The following LRRK2 variants were observed in gnomAD, a reference collection of about 807,000 sequenced individuals.
LRRK2 encodes the protein leucine-rich repeat serine/threonine-protein kinase 2.
A neutral mutation model predicts 302.6 loss-of-function variants in LRRK2; 203 were observed. The observed-to-expected ratio is 0.67, with a 90% CI of 0.60 to 0.75. LRRK2 has a LOEUF of 0.75. Among genes scored for constraint, LRRK2 ranks in the 30% least tolerant of loss-of-function variants. The pLI, the probability that LRRK2 is intolerant of heterozygous loss-of-function variation, is 0.00. For synonymous variants in LRRK2, 1,066 were observed against 1,031.9 expected, an observed-to-expected ratio of 1.03 and a Z score of -0.63; for missense variants, 2,830 against 2,951.0, an observed-to-expected ratio of 0.96 and a Z score of 0.95.
intron 7 of LRRK2, among the ~76,000 whole-genome samples, chr12:40,247,682 T>A (rs1410449413): frequency 2.8e-4 from 15 of 53,096 alleles, no homozygotes; most frequent in Admixed American, 5.0e-4. Flanking sequence ...ATATATACAT[T>A]TATATATAAA....
chr12:40,239,147 T>G (rs1178847487), intron 5 of LRRK2, among the ~76,000 whole-genome samples: 1 of 152,124 alleles, frequency 6.6e-6, no homozygotes, highest in African/African-American at 2.4e-5. Context: ...GAGAAACATC[T>G]TCCCATGGGT....
intron 19 of LRRK2, chr12:40,286,529 C>T (rs1254445186): frequency 6.6e-6 from 1 of 152,032 alleles, no homozygotes; most frequent in East Asian, 1.9e-4. Context: ...TGATTATCTA[C>T]ACTTCACAGG....
intron 5 of LRRK2, among the ~76,000 whole-genome samples, chr12:40,238,404 A>G (rs780288226): frequency 6.6e-6 from 1 of 152,178 alleles, no homozygotes; most frequent in Non-Finnish European, 1.5e-5. Context: ...AGAAAAAATA[A>G]AACTGTGAAG....
intron 18 of LRRK2, among the ~76,000 whole-genome samples, chr12:40,282,448 G>A (rs1943750717): frequency 6.6e-6 from 1 of 152,024 alleles, no homozygotes; most frequent in African/African-American, 2.4e-5. Context: ...GGTGTGTTTG[G>A]CCTGAGAGGT....
intron 18 of LRRK2, among the ~76,000 whole-genome samples, chr12:40,281,879 G>A (rs1395225366): frequency 6.6e-6 from 1 of 152,186 alleles, no homozygotes; most frequent in African/African-American, 2.4e-5. Context: ...GTCTGTATGT[G>A]TAGGGCATTG....
At chr12:40,356,058 C>A in intron 45 of LRRK2, 57 bp from the exon 46 acceptor site, 1 of 1,142,318 alleles carries the variant, frequency 8.8e-7, no homozygotes, top group Non-Finnish European at 1.3e-6. Flanking sequence ...AACATTAAGG[C>A]CATTTTAGTC....
chr12:40,302,958 T>G (rs1944684506), intron 26 of LRRK2, 76 bp downstream of exon 26: 1 of 1,020,810 alleles, frequency 9.8e-7, no homozygotes, highest in Non-Finnish European at 1.5e-6. Context: ...TTCGATTTAG[T>G]CATATAGAGG....
chr12:40,271,429 T>C (rs1169119689), intron 14 of LRRK2, among the ~76,000 whole-genome samples: 1 of 152,134 alleles, frequency 6.6e-6, no homozygotes, highest in African/African-American at 2.4e-5. Flanking sequence ...AGCTCAGTCA[T>C]TGGAGAAACC....
rs71078229 is a variant in LRRK2 at position 40,229,955 on chromosome 12, C to CTTTTTTTTTTTTTTT, written c.238-2305_238-2291dup. On this transcript the variant is annotated intron_variant, in intron 2 of 50. Transcript: ENST00000298910. ...GAGATGAGTTTGGCATCCTATGTGACTTTTTTTTTTTTTTTTTTTTTTTTT... is the reference window on the plus strand; with the variant it reads ...GAGATGAGTTTGGCATCCTATGTGACTTTTTTTTTTTTTTTTTTTTTTTTTTTTTTTTTTTTTTTT... Among the ~76,000 whole-genome samples, 2 of 92,926 alleles carry CTTTTTTTTTTTTTTT rather than the reference C, an allele frequency of 2.2e-5. 1 individual carries two copies. The allele number at this position is 92,926 out of a possible 152,430, so 61.0% of individuals were successfully genotyped here.
At chr12:40,273,832 G>A (rs1364101264) in intron 14 of LRRK2, among the ~76,000 whole-genome samples, 1 of 152,154 alleles carries the variant, frequency 6.6e-6, no homozygotes. Context: ...TTAGAGGTAT[G>A]CTGCGTTTTC....
Position 40,367,039 on chromosome 12 carries a change from A to G in LRRK2, c.7424A>G (p.Tyr2475Cys). The G allele has an allele frequency of 6.2e-7, 1 of 1,609,808 alleles. No individual in the cohort carries two copies. Among genetic ancestry groups the G allele is most frequent in the Non-Finnish European group, 8.5e-7 (1 of 1,177,058 alleles). Residue 2475 changes from tyrosine (Y) to cysteine (C), a missense_variant, in exon 50 of 51, where the codon TAC becomes TGC. This residue lies in a region of LRRK2 where 456 missense variants were observed against 456.3 expected (regional missense o/e 1.00). Coordinates refer to ENST00000298910, the MANE Select transcript of LRRK2 (RefSeq NM_198578.4). Reference protein sequence around the residue: ...SLKNVMLVLGYNRKNTEGTQK... With the variant: ...SLKNVMLVLGCNRKNTEGTQK... ...AAAAATGTCATGCTGGTATTGGGCT[A>G]CAACCGGAAAAATACTGAAGGTACA...
intron 38 of LRRK2, among the ~76,000 whole-genome samples, chr12:40,327,877 C>T (rs1428248994): frequency 6.6e-6 from 1 of 152,084 alleles, no homozygotes; most frequent in African/African-American, 2.4e-5. Flanking sequence ...ATTTTAACTC[C>T]AGAAGGGCCT....
chr12:40,347,244 G>A lies in LRRK2; in HGVS notation c.6280+321G>A, dbSNP rs1053466359. ...GAATTACTGTGTACTCATTATCCTG[G>A]AATGTTTTCGTTTTCTTGGAGTGAA... On this transcript the variant is annotated intron_variant, in intron 42 of 50. Coordinates refer to ENST00000298910, the MANE Select transcript of LRRK2 (RefSeq NM_198578.4). Among the ~76,000 whole-genome samples the A allele has an allele frequency of 2.0e-5, 3 of 152,068 alleles. No homozygotes were observed. In the South Asian group the frequency reaches 6.2e-4, roughly 31 times the overall value.
intron 27 of LRRK2, 167 bp downstream of exon 27, chr12:40,304,301 A>T: frequency 1.5e-6 from 1 of 655,374 alleles, no homozygotes. Flanking sequence ...TTAAATTTAA[A>T]AATAAGAACA....
intron 44 of LRRK2, 79 bp from the exon 45 acceptor site, chr12:40,354,220 A>G: frequency 8.4e-7 from 1 of 1,194,644 alleles, no homozygotes; most frequent in Non-Finnish European, 1.2e-6. Flanking sequence ...TGTTGATAAC[A>G]GAATCCTTTA....
chr12:40,314,705 T>C (rs1161421276), intron 32 of LRRK2, among the ~76,000 whole-genome samples: 1 of 152,006 alleles, frequency 6.6e-6, no homozygotes, highest in East Asian at 1.9e-4. Context: ...GTGTACTTGA[T>C]CATATTACCT....
intron 35 of LRRK2, 58 bp from the exon 36 acceptor site, chr12:40,321,977 G>A (rs1945415752): frequency 6.4e-7 from 1 of 1,560,442 alleles, no homozygotes; most frequent in Admixed American, 1.7e-5. Context: ...GTTGTGTGCA[G>A]TAGATTTTTT....
intron 2 of LRRK2, among the ~76,000 whole-genome samples, chr12:40,226,239 A>G (rs1229106970): frequency 6.6e-6 from 1 of 152,216 alleles, no homozygotes; most frequent in Non-Finnish European, 1.5e-5. Context: ...TCTGTACCAT[A>G]GGAAACCCAG....
Position 40,340,598 on chromosome 12 carries a change from C to G in LRRK2, c.6109+144C>G. On this transcript the variant is annotated intron_variant, in intron 41 of 50. Transcript: ENST00000298910. ...ATTTTGTGAAAAAATGCAAGCATCA[C>G]ATTGTGATTTTTATCATTGTATTTT... 3.5e-6 allele frequency: 3 copies of G among 853,596 alleles called. No individual in the cohort carries two copies. The South Asian group carries it at 4.3e-5, about 12-fold the overall frequency. 52.9% of individuals were successfully genotyped at this position (853,596 alleles called of 1,614,324 possible). A position where few individuals can be genotyped will look rare whatever the true frequency, so the allele number is the denominator to read the frequency against.
Sources: allele counts gnomAD v4.1 joint callset (sites outside exome capture counted in the v4.1 genomes callset), GRCh38; gene constraint gnomAD v4.1.1; regional missense constraint gnomAD v4.1.1; transcripts MANE v1.5; gene names NCBI Gene and HGNC (gene_info 2026-07-23, HGNC 2026-07-21).